Variants in FGFR2 observed in about 807,000 individuals in gnomAD.
FGFR2 encodes BEK fibroblast growth factor receptor.
Under a neutral mutation model 95.9 loss-of-function variants are expected in FGFR2, and 19 were observed. That is an observed-to-expected ratio of 0.20 (90% CI 0.14 to 0.29). The LOEUF (loss-of-function observed/expected upper bound fraction) is 0.29. Among genes scored for constraint, FGFR2 ranks in the 10% least tolerant of loss-of-function variants. The pLI is 1.00. For missense variants in FGFR2, 707 were observed against 1,056.9 expected (o/e 0.67, Z 4.59); for synonymous variants, 392 against 393.3 (o/e 1.00, Z 0.04).
chr10:121,486,995 G>T (rs989278920), intron 15 of FGFR2, among the ~76,000 whole-genome samples: 1 of 152,310 alleles, frequency 6.6e-6, no homozygotes, highest in Non-Finnish European at 1.5e-5. Context: ...CAAACTACTC[G>T]TAAGTGGGAA....
At chr10:121,493,173 G>A (rs1489904768) in intron 13 of FGFR2, among the ~76,000 whole-genome samples, 1 of 152,150 alleles carries the variant, frequency 6.6e-6, no homozygotes, top group Non-Finnish European at 1.5e-5. Context: ...TACGTAAGAT[G>A]CTTTATGTCA....
chr10:121,576,111 T>TG (rs1428020989), intron 2 of FGFR2, among the ~76,000 whole-genome samples: 2 of 150,778 alleles, frequency 1.3e-5, no homozygotes, highest in African/African-American at 2.4e-5. Context: ...CGCTTGAACC[T>TG]GGGCGGTGGA....
rs759503970 is a variant in FGFR2 at position 121,564,611 on chromosome 10, G to A, written c.377-32C>T. 9 of 1,602,880 alleles carry A rather than the reference G, an allele frequency of 5.6e-6. No individual in the cohort carries two copies. The Middle Eastern group carries it at 6.6e-4, about 118-fold the overall frequency. The stretch of plus-strand genomic sequence containing the variant: ...GCAAAAGAACATATTCCATGGATGT[G>A]TTTTTTGCAAAGCAAAAAGGTTGCA... On this transcript the variant is annotated intron_variant, in intron 3 of 17. Transcript: ENST00000358487.
chr10:121,541,726 C>T (rs1463387843), intron 5 of FGFR2, among the ~76,000 whole-genome samples: 1 of 152,194 alleles, frequency 6.6e-6, no homozygotes, highest in Non-Finnish European at 1.5e-5. Context: ...TGTTATTCAC[C>T]AGCTGATTAA....
chr10:121,498,265 C>T (rs567171327), intron 12 of FGFR2, among the ~76,000 whole-genome samples: 15 of 152,310 alleles, frequency 9.8e-5, no homozygotes, highest in Admixed American at 2.6e-4. Context: ...GCCCTCTAGG[C>T]CCTCAAATCC....
intron 5 of FGFR2, among the ~76,000 whole-genome samples, chr10:121,539,832 GA>G (rs1853427414): frequency 6.6e-6 from 1 of 152,192 alleles, no homozygotes; most frequent in Admixed American, 6.5e-5. Context: ...AGTGATATAA[GA>G]AACTAGAGAA....
chr10:121,526,219 G>A (rs1227698531), intron 6 of FGFR2: 6 of 398,496 alleles, frequency 1.5e-5, no homozygotes, highest in Admixed American at 1.3e-4. Context: ...AACATTCTGC[G>A]ATTTGGAGGA....
chr10:121,546,677 C>A (rs887819182), intron 5 of FGFR2, among the ~76,000 whole-genome samples: 3 of 152,018 alleles, frequency 2.0e-5, no homozygotes, highest in Non-Finnish European at 4.4e-5. Context: ...CTTTATAGGC[C>A]GCACATGCAT....
At chr10:121,516,995 A>T (rs1191058106) in intron 8 of FGFR2, among the ~76,000 whole-genome samples, 1 of 152,214 alleles carries the variant, frequency 6.6e-6, no homozygotes, top group African/African-American at 2.4e-5. Flanking sequence ...AATTACTTTG[A>T]ATTTTACCAA....
chr10:121,535,082 G>GAC (rs1192539168), intron 6 of FGFR2, among the ~76,000 whole-genome samples: 1 of 152,186 alleles, frequency 6.6e-6, no homozygotes, highest in African/African-American at 2.4e-5. Flanking sequence ...GAGATTTTGA[G>GAC]ACACACAGTG....
chr10:121,513,752 A>G (rs1198564630), intron 9 of FGFR2, among the ~76,000 whole-genome samples: 1 of 152,146 alleles, frequency 6.6e-6, no homozygotes, highest in East Asian at 1.9e-4. Context: ...CATGCTGTTA[A>G]CACAATTTGG....
chr10:121,554,609 G>C (rs1855869165), intron 4 of FGFR2, among the ~76,000 whole-genome samples: 1 of 150,156 alleles, frequency 6.7e-6, no homozygotes, highest in Non-Finnish European at 1.5e-5. Flanking sequence ...CTGACCTCAT[G>C]ATCCACCTGC....
intron 4 of FGFR2, among the ~76,000 whole-genome samples, chr10:121,560,801 A>C (rs555563522): frequency 6.6e-6 from 1 of 152,200 alleles, no homozygotes; most frequent in South Asian, 2.1e-4. Context: ...CATTCAGGGC[A>C]GACCTCCACG....
intron 1 of FGFR2, chr10:121,596,676 A>G (rs948396924): frequency 5.0e-6 from 1 of 201,374 alleles, no homozygotes; most frequent in Non-Finnish European, 1.0e-5. Flanking sequence ...CTGACCCAGG[A>G]CCACAAAGCC....
chr10:121,494,510 GGC>G (rs1444364227), intron 13 of FGFR2, among the ~76,000 whole-genome samples: 1 of 152,056 alleles, frequency 6.6e-6, no homozygotes, highest in Non-Finnish European at 1.5e-5. Context: ...ACACAGGTAG[GGC>G]AGGGAGTGAT....
At chr10:121,580,236 G>A (rs1199372559) in intron 2 of FGFR2, among the ~76,000 whole-genome samples, 1 of 152,162 alleles carries the variant, frequency 6.6e-6, no homozygotes, top group Non-Finnish European at 1.5e-5. Flanking sequence ...GGACCTTCTG[G>A]GGGTACTGTT....
chr10:121,513,304 C>T (rs1033886034), intron 9 of FGFR2, among the ~76,000 whole-genome samples: 3 of 152,210 alleles, frequency 2.0e-5, no homozygotes, highest in South Asian at 2.1e-4. Context: ...GATCCATCCA[C>T]AAGCAGTATA....
intron 2 of FGFR2, among the ~76,000 whole-genome samples, chr10:121,567,964 GA>G (rs752613090): frequency 6.6e-6 from 1 of 152,220 alleles, no homozygotes; most frequent in Non-Finnish European, 1.5e-5. Flanking sequence ...AGAAGTGAAG[GA>G]CAAAGCGAAG....
At chr10:121,546,185 T>TAAAAAAAAAA (rs35408469) in intron 5 of FGFR2, among the ~76,000 whole-genome samples, 3,336 of 134,922 alleles carry the variant, frequency 0.025, 207 homozygotes, top group African/African-American at 0.097. Context: ...ACCTCTTTAT[T>TAAAAAAAAAA]AAAAAAAAAA....
Sources: allele counts gnomAD v4.1 joint callset (sites outside exome capture counted in the v4.1 genomes callset), GRCh38; gene constraint gnomAD v4.1.1; transcripts MANE v1.5; gene names NCBI Gene and HGNC (gene_info 2026-07-23, HGNC 2026-07-21).